The following KATNAL2 variants were observed in gnomAD, a reference collection of about 807,000 sequenced individuals.
KATNAL2 encodes katanin p60 ATPase-containing subunit A-like 2.
KATNAL2 carries 52 observed loss-of-function variants against 76.3 expected under a neutral mutation model. That is an observed-to-expected ratio of 0.68 (90% confidence interval 0.55 to 0.86). The LOEUF (loss-of-function observed/expected upper bound fraction) is 0.86. Ranked by LOEUF, KATNAL2 falls within the 40% of genes least tolerant of loss-of-function variation. KATNAL2 has a pLI of 0.00. For synonymous variants in KATNAL2, 243 were observed against 244.2 expected (o/e 1.00, Z 0.05); for missense variants, 660 against 668.9 (o/e 0.99, Z 0.15).
chr18:47,034,463 A>T (rs898936241), intron 3 of KATNAL2: 1 of 1,614,052 alleles, frequency 6.2e-7, no homozygotes, highest in African/African-American at 1.3e-5. Flanking sequence ...GCACTTGCCC[A>T]GGAGGGCATC....
At chr18:47,056,668 A>G (rs1261849281) in intron 6 of KATNAL2, among the ~76,000 whole-genome samples, 1 of 152,238 alleles carries the variant, frequency 6.6e-6, no homozygotes, top group Non-Finnish European at 1.5e-5. Context: ...ATTGCTTTGT[A>G]CATTAGTGCT....
intron 3 of KATNAL2, among the ~76,000 whole-genome samples, chr18:47,031,410 T>C (rs1333656564): frequency 1.3e-5 from 2 of 152,094 alleles, no homozygotes; most frequent in Non-Finnish European, 2.9e-5. Context: ...TTTTTTTGTG[T>C]CTCTCTGTCT....
chr18:46,959,457 C>G (rs540623782), intron 3 of KATNAL2, among the ~76,000 whole-genome samples: 2 of 152,008 alleles, frequency 1.3e-5, no homozygotes, highest in African/African-American at 2.4e-5. Context: ...ACTCTTGGAA[C>G]CTTTTTTTTA....
intron 3 of KATNAL2, among the ~76,000 whole-genome samples, chr18:46,962,015 T>G (rs1463214496): frequency 6.6e-6 from 1 of 152,212 alleles, no homozygotes; most frequent in Non-Finnish European, 1.5e-5. Context: ...CCTTTCTAAG[T>G]CTACTGGTCT....
intron 1 of KATNAL2, among the ~76,000 whole-genome samples, chr18:46,924,775 C>T (rs990840419): frequency 3.9e-5 from 6 of 152,092 alleles, no homozygotes; most frequent in Non-Finnish European, 5.9e-5. Context: ...TGTAGTTCTC[C>T]TTGAAGAGGT....
chr18:46,961,405 A>C (rs1205488116), intron 3 of KATNAL2, among the ~76,000 whole-genome samples: 1 of 152,222 alleles, frequency 6.6e-6, no homozygotes, highest in Non-Finnish European at 1.5e-5. Context: ...GTCTCTGTAC[A>C]TGATAGAGTG....
chr18:46,955,824 A>G (rs2059729371), intron 3 of KATNAL2, among the ~76,000 whole-genome samples: 1 of 152,152 alleles, frequency 6.6e-6, no homozygotes, highest in Non-Finnish European at 1.5e-5. Flanking sequence ...CAGTGCTGGG[A>G]TTACAGGTGT....
Position 47,100,341 on chromosome 18 carries a change from G to C in KATNAL2, c.1462G>C (p.Glu488Gln). 1 of 1,613,768 alleles carries C rather than the reference G, an allele frequency of 6.2e-7. No homozygotes were observed. The highest frequency in any genetic ancestry group is 1.1e-5 in the South Asian group (1 of 91,064). The change falls in exon 17 of 18, where the codon GAA (glutamate) becomes CAA (glutamine). Residue 488 changes from glutamate (E) to glutamine (Q), a missense_variant. Transcript: ENST00000683218. ...RPVRKIFDAL[E>Q]NHQSESSDLP... ...CGTGAGGAAGATCTTTGATGCACTT[G>C]AAAATCACCAGTCAGGTATGGGTTG...
intron 3 of KATNAL2, among the ~76,000 whole-genome samples, chr18:47,031,777 C>CT (rs2060467273): frequency 6.6e-6 from 1 of 152,140 alleles, no homozygotes; most frequent in Non-Finnish European, 1.5e-5. Flanking sequence ...CCCACCTGGA[C>CT]TTTTTTGAGT....
At chr18:46,944,459 A>T (rs2032900059) in intron 1 of KATNAL2, among the ~76,000 whole-genome samples, 1 of 152,186 alleles carries the variant, frequency 6.6e-6, no homozygotes, top group African/African-American at 2.4e-5. Flanking sequence ...GGTTGGGAGC[A>T]GCGGTTCACA....
At position 47,041,137 on chromosome 18, in the gene KATNAL2, C is replaced by G. The variant is rs140628100; in HGVS notation, c.52-5320C>G. On this transcript the variant is annotated intron_variant, in intron 3 of 17. Coordinates refer to ENST00000683218, the MANE Select transcript of KATNAL2 (RefSeq NM_001387690.1). ...TCCCACGTACCTCTCTGCATGCTCA[C>G]CTTCCCCCACTGTCAACATCCCAAA... 1.5e-4 allele frequency among the ~76,000 whole-genome samples: 23 copies of G among 152,284 alleles called. No individual in the cohort carries two copies. In the East Asian group the frequency reaches 4.2e-3, roughly 28 times the overall value.
At chr18:46,938,223 T>C (rs2059147865) in intron 1 of KATNAL2, among the ~76,000 whole-genome samples, 1 of 152,198 alleles carries the variant, frequency 6.6e-6, no homozygotes, top group Admixed American at 6.5e-5. Flanking sequence ...TTATCTACTC[T>C]TTATATATGT....
intron 3 of KATNAL2, among the ~76,000 whole-genome samples, chr18:46,961,624 C>G (rs934048271): frequency 5.9e-5 from 9 of 152,208 alleles, no homozygotes; most frequent in Non-Finnish European, 5.9e-5. Flanking sequence ...AAACCTCTGC[C>G]AAACCTATAC....
intron 1 of KATNAL2, among the ~76,000 whole-genome samples, chr18:46,918,208 C>A (rs943631591): frequency 1.3e-5 from 2 of 152,016 alleles, no homozygotes; most frequent in Admixed American, 1.3e-4. Context: ...ATGGCCCCCC[C>A]GTAATGTGCT....
At chr18:46,961,190 C>A (rs982970879) in intron 3 of KATNAL2, among the ~76,000 whole-genome samples, 1 of 152,028 alleles carries the variant, frequency 6.6e-6, no homozygotes, top group Non-Finnish European at 1.5e-5. Context: ...GGTGGTGGCT[C>A]CAGGCCATCT....
intron 6 of KATNAL2, 113 bp downstream of exon 6, chr18:47,054,551 C>T: frequency 9.6e-7 from 1 of 1,046,184 alleles, no homozygotes; most frequent in Non-Finnish European, 1.5e-6. Context: ...ATACTGACTG[C>T]AGTCATGTGA....
intron 3 of KATNAL2, chr18:47,035,014 C>T (rs61747013): frequency 1.9e-6 from 3 of 1,611,404 alleles, no homozygotes; most frequent in Non-Finnish European, 2.5e-6. Flanking sequence ...TGGGCCAGGC[C>T]GGGTGTTTCG....
chr18:46,941,748 G>A (rs1293743598), intron 1 of KATNAL2, among the ~76,000 whole-genome samples: 3 of 152,076 alleles, frequency 2.0e-5, no homozygotes, highest in Non-Finnish European at 2.9e-5. Flanking sequence ...ATCCTAAAAA[G>A]GCTCTGTTTA....
At position 47,075,371 on chromosome 18, in the gene KATNAL2, A is replaced by G. The variant is rs762291729; in HGVS notation, c.1100+3A>G. On this transcript the variant is annotated splice_donor_region_variant and intron_variant, in intron 14 of 17. Coordinates refer to ENST00000683218, the MANE Select transcript of KATNAL2 (RefSeq NM_001387690.1). ...AGTCAGAGAGGCACAGCTTCTGGGTAACAGACAGGGTTGGGGTTTTTGTTG... is the reference window on the plus strand; with the variant it reads ...AGTCAGAGAGGCACAGCTTCTGGGTGACAGACAGGGTTGGGGTTTTTGTTG... 2 of 1,520,348 alleles carry G rather than the reference A, an allele frequency of 1.3e-6. No homozygotes were observed. Among genetic ancestry groups the G allele is most frequent in the Non-Finnish European group, 1.8e-6 (2 of 1,140,444 alleles). 94.2% of individuals were successfully genotyped at this position (1,520,348 alleles called of 1,614,324 possible).
Sources: allele counts gnomAD v4.1 joint callset (sites outside exome capture counted in the v4.1 genomes callset), GRCh38; gene constraint gnomAD v4.1.1; transcripts MANE v1.5; gene names NCBI Gene and HGNC (gene_info 2026-07-23, HGNC 2026-07-21).